KIAA1958: variants seen among roughly 807,000 people sequenced by gnomAD.
The protein encoded by KIAA1958 is KIAA1958.
A neutral mutation model predicts 47.2 loss-of-function variants in KIAA1958; 14 were observed. That is an observed-to-expected ratio of 0.30 (90% confidence interval 0.20 to 0.46). The LOEUF is 0.46. Ranked by LOEUF, KIAA1958 falls within the 20% of genes least tolerant of loss-of-function variation. The probability of loss-of-function intolerance (pLI) is 1.00; values close to 1 mark genes in which losing one functional copy is unlikely to be tolerated. For synonymous variants in KIAA1958, 354 were observed against 353.3 expected (o/e 1.00, Z -0.02); for missense variants, 803 against 909.2 (o/e 0.88, Z 1.50).
At position 112,666,093 on chromosome 9, in the gene KIAA1958, T is replaced by C. The variant is rs1837348201; in HGVS notation, c.*6024T>C. On this transcript the variant is annotated 3_prime_UTR_variant, in exon 4 of 4. Transcript: ENST00000337530. ...TTCAAGCCATCCTCCTGCCTCAGTCTCCCAAGTAGCTGGGATTACAAGCGT... is the reference window on the plus strand; with the variant it reads ...TTCAAGCCATCCTCCTGCCTCAGTCCCCCAAGTAGCTGGGATTACAAGCGT... 2 of 151,916 alleles carry C rather than the reference T, an allele frequency of 1.3e-5. No homozygotes were observed. The highest frequency in any genetic ancestry group is 1.3e-4 in the Admixed American group (2 of 15,248). The allele number at this position is 151,916 out of a possible 1,614,324, so 9.4% of individuals were successfully genotyped here.
intron 1 of KIAA1958, among the ~76,000 whole-genome samples, chr9:112,561,885 T>C (rs1290783894): frequency 6.6e-6 from 1 of 152,022 alleles, no homozygotes; most frequent in Admixed American, 6.6e-5. Context: ...AAAAAAACTC[T>C]GGGATTGATG....
At chr9:112,643,189 C>G (rs934888019) in intron 2 of KIAA1958, among the ~76,000 whole-genome samples, 1 of 152,248 alleles carries the variant, frequency 6.6e-6, no homozygotes, top group South Asian at 2.1e-4. Flanking sequence ...CTTATAGTAC[C>G]TGATTCTTTC....
intron 2 of KIAA1958, among the ~76,000 whole-genome samples, chr9:112,643,551 G>A (rs899524177): frequency 6.6e-6 from 1 of 152,224 alleles, no homozygotes; most frequent in Non-Finnish European, 1.5e-5. Flanking sequence ...GGTTGATGGG[G>A]TGGTGAGAGA....
At chr9:112,507,483 C>T (rs1425117387) in intron 1 of KIAA1958, among the ~76,000 whole-genome samples, 1 of 152,022 alleles carries the variant, frequency 6.6e-6, no homozygotes, top group African/African-American at 2.4e-5. Flanking sequence ...TGAGTAGCTA[C>T]CATTATAGGC....
intron 2 of KIAA1958, among the ~76,000 whole-genome samples, chr9:112,597,911 C>T (rs1354910915): frequency 1.3e-5 from 2 of 152,108 alleles, no homozygotes; most frequent in African/African-American, 4.8e-5. Flanking sequence ...TAATGAGTGC[C>T]TGCTATTCAT....
chr9:112,659,439 C>A lies in KIAA1958; in HGVS notation c.1521C>A (p.Thr507=), dbSNP rs1365574791. ...SITSSTFSSS[T]KKLKEKLWVL... ...CCAGCAGCACCTTCAGCTCCTCCAC[C>A]AAGAAACTCAAGGAGAAGCTGTGGG... Residue 507 remains threonine (T), a synonymous_variant, in exon 4 of 4, where the codon ACC becomes ACA. Transcript: ENST00000337530. 6 of 1,614,136 alleles carry A rather than the reference C, an allele frequency of 3.7e-6. No individual in the cohort carries two copies. The African/African-American group carries it at 5.3e-5, about 14-fold the overall frequency.
intron 1 of KIAA1958, among the ~76,000 whole-genome samples, chr9:112,501,949 A>G (rs1031297349): frequency 6.6e-6 from 1 of 152,262 alleles, no homozygotes; most frequent in Non-Finnish European, 1.5e-5. Context: ...CTAATAAATA[A>G]TAGATAAAAC....
chr9:112,663,546 G>A lies in KIAA1958; in HGVS notation c.*3477G>A, dbSNP rs1014372756. ...AATCTGGTCAAGTTAACACATTTTC[G>A]CCCATGAATTCTACCTCCAACACAG... is the stretch of plus-strand genomic sequence containing the variant. On this transcript the variant is annotated 3_prime_UTR_variant, in exon 4 of 4. Coordinates refer to ENST00000337530, the MANE Select transcript of KIAA1958 (RefSeq NM_133465.4). The A allele has an allele frequency of 1.3e-5, 2 of 151,968 alleles. No individual in the cohort carries two copies. Among genetic ancestry groups the A allele is most frequent in the African/African-American group, 4.8e-5 (2 of 41,356 alleles). 9.4% of individuals were successfully genotyped at this position (151,968 alleles called of 1,614,324 possible). A position where few individuals can be genotyped will look rare whatever the true frequency, so the allele number is the denominator to read the frequency against.
chr9:112,594,922 T>C (rs557297146), intron 2 of KIAA1958, among the ~76,000 whole-genome samples: 1 of 152,248 alleles, frequency 6.6e-6, no homozygotes, highest in Non-Finnish European at 1.5e-5. Flanking sequence ...TATAGGCATC[T>C]TAGTGGTGTG....
In KIAA1958 at chr9:112,664,693, T is replaced by C. The variant is rs1158009350; in HGVS notation, c.*4624T>C. The C allele has an allele frequency of 2.0e-5, 3 of 152,238 alleles. No individual in the cohort carries two copies. Among genetic ancestry groups the C allele is most frequent in the African/African-American group, 4.8e-5 (2 of 41,464 alleles). The allele number at this position is 152,238 out of a possible 1,614,324, so 9.4% of individuals were successfully genotyped here. Reference sequence around the variant, plus strand: ...AGGCAGTGTTCCTCAGTAAAAATCTTTGTTGCATTTTCCCATATAAATGAA... The same window carrying C: ...AGGCAGTGTTCCTCAGTAAAAATCTCTGTTGCATTTTCCCATATAAATGAA... On this transcript the variant is annotated 3_prime_UTR_variant, in exon 4 of 4. Coordinates refer to ENST00000337530, the MANE Select transcript of KIAA1958 (RefSeq NM_133465.4).
In KIAA1958 at chr9:112,504,483, C is replaced by T. The variant is rs556363649; in HGVS notation, c.-25+17365C>T. On this transcript the variant is annotated intron_variant, in intron 1 of 3. Coordinates refer to ENST00000337530, the MANE Select transcript of KIAA1958 (RefSeq NM_133465.4). ...GAATTGCAGGCGTGAGCCACCATGCCCTGCCAAGATTAACTATTTTTAATC... is the reference window on the plus strand; with the variant it reads ...GAATTGCAGGCGTGAGCCACCATGCTCTGCCAAGATTAACTATTTTTAATC... Among the ~76,000 whole-genome samples the T allele has an allele frequency of 3.7e-4, 57 of 152,306 alleles. No individual in the cohort carries two copies. In the South Asian group the frequency reaches 5.0e-3, roughly 13 times the overall value.
intron 2 of KIAA1958, among the ~76,000 whole-genome samples, chr9:112,629,446 G>C (rs1836672766): frequency 6.6e-6 from 1 of 152,182 alleles, no homozygotes; most frequent in Non-Finnish European, 1.5e-5. Flanking sequence ...TATAGTTTGT[G>C]AAAGAGGAGA....
At chr9:112,541,077 T>G (rs1834932766) in intron 1 of KIAA1958, among the ~76,000 whole-genome samples, 1 of 152,078 alleles carries the variant, frequency 6.6e-6, no homozygotes. Context: ...GATCCATTAC[T>G]TTTTTTCTAG....
At chr9:112,505,199 G>A (rs1411596652) in intron 1 of KIAA1958, among the ~76,000 whole-genome samples, 2 of 152,086 alleles carry the variant, frequency 1.3e-5, no homozygotes, top group African/African-American at 4.8e-5. Flanking sequence ...TTTCATCCAT[G>A]TTACTGAAAA....
At chr9:112,506,150 G>A (rs1037200009) in intron 1 of KIAA1958, among the ~76,000 whole-genome samples, 2 of 152,114 alleles carry the variant, frequency 1.3e-5, no homozygotes, top group African/African-American at 4.8e-5. Flanking sequence ...GAGTACTGTG[G>A]CAATTTGTAA....
intron 3 of KIAA1958, among the ~76,000 whole-genome samples, chr9:112,656,143 C>A (rs769643038): frequency 1.9e-4 from 29 of 152,028 alleles, no homozygotes; most frequent in Non-Finnish European, 1.9e-4. Context: ...GAGGCCTAGG[C>A]GGGCGGATCG....
intron 1 of KIAA1958, among the ~76,000 whole-genome samples, chr9:112,542,834 T>C (rs568200964): frequency 1.3e-5 from 2 of 152,296 alleles, no homozygotes; most frequent in African/African-American, 4.8e-5. Flanking sequence ...AGGTTCTTGT[T>C]AGAAGGAAGG....
chr9:112,536,375 C>A (rs1458897619), intron 1 of KIAA1958, among the ~76,000 whole-genome samples: 1 of 152,158 alleles, frequency 6.6e-6, no homozygotes, highest in Non-Finnish European at 1.5e-5. Flanking sequence ...GAATACTCAG[C>A]AGACTTTTTC....
chr9:112,597,519 C>T lies in KIAA1958; in HGVS notation c.1171+22268C>T, dbSNP rs115651892. 3.1e-3 allele frequency among the ~76,000 whole-genome samples: 466 copies of T among 152,298 alleles called. 4 individuals carry two copies. Among genetic ancestry groups the T allele is most frequent in the African/African-American group, 0.011 (447 of 41,560 alleles). ...TGCTTCTCTTACATGTCTCAGCATC[C>T]TCCCTCTTGGCTGTTCCAGGACATG... On this transcript the variant is annotated intron_variant, in intron 2 of 3. Coordinates refer to ENST00000337530, the MANE Select transcript of KIAA1958 (RefSeq NM_133465.4).
Sources: allele counts gnomAD v4.1 joint callset (sites outside exome capture counted in the v4.1 genomes callset), GRCh38; gene constraint gnomAD v4.1.1; transcripts MANE v1.5; gene names NCBI Gene and HGNC (gene_info 2026-07-23, HGNC 2026-07-21).